EFNA5: variants seen among roughly 807,000 people sequenced by gnomAD.
The protein encoded by EFNA5 is ephrin-A5.
In EFNA5, 5 loss-of-function variants were observed where a neutral mutation model predicts 22.9. That is an observed-to-expected ratio of 0.22 (90% CI 0.11 to 0.46). The LOEUF (loss-of-function observed/expected upper bound fraction) is 0.46. EFNA5 is among the 20% of genes least tolerant of loss of function. The pLI, the probability that EFNA5 is intolerant of heterozygous loss-of-function variation, is 0.99. For synonymous variants in EFNA5, 113 were observed against 112.2 expected, an observed-to-expected ratio of 1.01 and a Z score of -0.04; for missense variants, 237 against 293.3, an observed-to-expected ratio of 0.81 and a Z score of 1.40.
intron 1 of EFNA5, among the ~76,000 whole-genome samples, chr5:107,575,905 G>T (rs1748918851): frequency 6.6e-6 from 1 of 152,078 alleles, no homozygotes; most frequent in Admixed American, 6.5e-5. Flanking sequence ...GAGGTCCCAA[G>T]AAATAAAAGT....
intron 1 of EFNA5, among the ~76,000 whole-genome samples, chr5:107,664,531 A>T (rs1023089519): frequency 2.6e-5 from 4 of 152,182 alleles, no homozygotes; most frequent in African/African-American, 9.6e-5. Context: ...CAGGCCCTTA[A>T]AAGAGACAGT....
intron 1 of EFNA5, among the ~76,000 whole-genome samples, chr5:107,493,196 GTTGTTTT>G (rs199945535): frequency 0.024 from 3,664 of 151,086 alleles, 136 homozygotes; most frequent in African/African-American, 0.084. Flanking sequence ...AAACACCATA[GTTGTTTT>G]TTGTTTTTTG....
chr5:107,573,855 T>A (rs953930361), intron 1 of EFNA5, among the ~76,000 whole-genome samples: 1 of 152,192 alleles, frequency 6.6e-6, no homozygotes, highest in East Asian at 1.9e-4. Context: ...CTGCTGTGAA[T>A]AGAGCTGTCA....
At chr5:107,606,280 C>T (rs1580556583) in intron 1 of EFNA5, among the ~76,000 whole-genome samples, 3 of 152,166 alleles carry the variant, frequency 2.0e-5, no homozygotes, top group African/African-American at 7.2e-5. Context: ...TTCACCAGCT[C>T]ATATGATTTG....
intron 1 of EFNA5, among the ~76,000 whole-genome samples, chr5:107,579,644 G>T (rs911888782): frequency 1.3e-5 from 2 of 150,208 alleles, no homozygotes; most frequent in Non-Finnish European, 1.5e-5. Flanking sequence ...CTCTCTCTCT[G>T]TCTGAATAAT....
intron 1 of EFNA5, among the ~76,000 whole-genome samples, chr5:107,531,474 G>A (rs1747809894): frequency 6.6e-6 from 1 of 152,224 alleles, no homozygotes; most frequent in African/African-American, 2.4e-5. Context: ...GGAAGAGACT[G>A]TTTCAGGAAA....
At chr5:107,653,258 A>C (rs1350943398) in intron 1 of EFNA5, among the ~76,000 whole-genome samples, 3 of 151,938 alleles carry the variant, frequency 2.0e-5, no homozygotes, top group Non-Finnish European at 4.4e-5. Flanking sequence ...TGTGTACCTT[A>C]AACTTCACTA....
intron 2 of EFNA5, among the ~76,000 whole-genome samples, chr5:107,403,145 C>T (rs1489630046): frequency 6.6e-6 from 1 of 152,124 alleles, no homozygotes; most frequent in Non-Finnish European, 1.5e-5. Context: ...CTGAACCACG[C>T]CAGTCTCCAG....
intron 1 of EFNA5, among the ~76,000 whole-genome samples, chr5:107,567,625 A>G (rs1420831880): frequency 6.6e-6 from 1 of 152,250 alleles, no homozygotes; most frequent in Non-Finnish European, 1.5e-5. Context: ...GAAAGGGAAG[A>G]CAAAAGGCAG....
intron 1 of EFNA5, among the ~76,000 whole-genome samples, chr5:107,590,740 G>A (rs1413676529): frequency 6.6e-6 from 1 of 152,042 alleles, no homozygotes; most frequent in Non-Finnish European, 1.5e-5. Context: ...CACACATAAA[G>A]GAAGAATCTT....
chr5:107,411,301 T>C (rs1748360505), intron 2 of EFNA5, among the ~76,000 whole-genome samples: 1 of 152,240 alleles, frequency 6.6e-6, no homozygotes, highest in Admixed American at 6.5e-5. Flanking sequence ...TTTGCATCAC[T>C]ACCTAACTTC....
intron 1 of EFNA5, among the ~76,000 whole-genome samples, chr5:107,648,870 A>T (rs1269025863): frequency 6.6e-6 from 1 of 152,198 alleles, no homozygotes; most frequent in Non-Finnish European, 1.5e-5. Context: ...CCTCTTCAAA[A>T]GTTTACACAA....
At chr5:107,569,429 G>GTA (rs1257415667) in intron 1 of EFNA5, among the ~76,000 whole-genome samples, 7 of 134,362 alleles carry the variant, frequency 5.2e-5, no homozygotes, top group African/African-American at 2.1e-4. Flanking sequence ...GTATATGTGT[G>GTA]TATATATATA....
At chr5:107,471,307 A>G (rs1292609512) in intron 1 of EFNA5, among the ~76,000 whole-genome samples, 1 of 151,880 alleles carries the variant, frequency 6.6e-6, no homozygotes, top group South Asian at 2.1e-4. Context: ...TTTGCCTCCA[A>G]TTCCCTCACT....
chr5:107,408,425 A>G (rs1748276482), intron 2 of EFNA5, among the ~76,000 whole-genome samples: 1 of 152,188 alleles, frequency 6.6e-6, no homozygotes, highest in Admixed American at 6.5e-5. Flanking sequence ...ACTTTTTAAA[A>G]TGCTCTAGGG....
At chr5:107,601,366 A>C (rs999893029) in intron 1 of EFNA5, among the ~76,000 whole-genome samples, 1 of 152,216 alleles carries the variant, frequency 6.6e-6, no homozygotes, top group African/African-American at 2.4e-5. Flanking sequence ...GCGTTAGGGA[A>C]GCACAGAGTA....
At chr5:107,668,948 T>G (rs750905352) in intron 1 of EFNA5, among the ~76,000 whole-genome samples, 2 of 152,082 alleles carry the variant, frequency 1.3e-5, no homozygotes, top group Admixed American at 6.5e-5. Flanking sequence ...AGACTCTTGT[T>G]TTTTGAACCA....
chr5:107,520,700 A>C (rs764985091), intron 1 of EFNA5, among the ~76,000 whole-genome samples: 1 of 152,228 alleles, frequency 6.6e-6, no homozygotes, highest in Non-Finnish European at 1.5e-5. Flanking sequence ...GCTGGCCTTC[A>C]AACTATAATT....
intron 1 of EFNA5, among the ~76,000 whole-genome samples, chr5:107,655,091 A>C (rs1750796500): frequency 6.6e-6 from 1 of 152,078 alleles, no homozygotes; most frequent in South Asian, 2.1e-4. Flanking sequence ...CAAGAATATA[A>C]GGAATTAGTA....
Sources: gnomAD v4.1 joint callset for allele counts (sites outside exome capture counted in the v4.1 genomes callset) on GRCh38, gnomAD v4.1.1 for gene constraint, MANE v1.5 for transcripts, NCBI Gene and HGNC (gene_info 2026-07-23, HGNC 2026-07-21) for gene names.